Variants in ZNF804B observed in about 807,000 individuals in gnomAD.
The protein encoded by ZNF804B is zinc finger protein 804B.
Under a neutral mutation model 101.4 loss-of-function variants are expected in ZNF804B, and 80 were observed. The ratio of observed to expected loss-of-function variants is 0.79; its 90% confidence interval spans 0.66 to 0.95. The LOEUF is 0.95. Ranked by LOEUF, ZNF804B falls within the 40% of genes least tolerant of loss-of-function variation. The probability of loss-of-function intolerance (pLI) is 0.00; values close to 1 mark genes in which losing one functional copy is unlikely to be tolerated. For missense variants in ZNF804B, 1,673 were observed against 1,561.9 expected, an observed-to-expected ratio of 1.07 and a Z score of -1.20; for synonymous variants, 622 against 558.8, an observed-to-expected ratio of 1.11 and a Z score of -1.59.
intron 1 of ZNF804B, among the ~76,000 whole-genome samples, chr7:88,877,726 T>C (rs1791974262): frequency 6.6e-6 from 1 of 152,244 alleles, no homozygotes; most frequent in East Asian, 1.9e-4. Flanking sequence ...GAAAAATTCT[T>C]GGCATATGAA....
In ZNF804B at chr7:89,260,854, G is replaced by A. The variant is rs59083688; in HGVS notation, c.249+42559G>A. On this transcript the variant is annotated intron_variant, in intron 2 of 3. Transcript: ENST00000333190. ...AAGCAATTCAACTTTTTCTTGCAAT[G>A]TCATGAGTTTTCTCTGCTTCTTGGG... Among the ~76,000 whole-genome samples, 1,200 of 152,312 alleles carry A rather than the reference G, an allele frequency of 7.9e-3. 21 individuals are homozygous for A. Among genetic ancestry groups the A allele is most frequent in the African/African-American group, 0.027 (1,142 of 41,572 alleles).
intron 1 of ZNF804B, among the ~76,000 whole-genome samples, chr7:88,821,926 G>T (rs916462789): frequency 7.9e-5 from 12 of 152,118 alleles, no homozygotes; most frequent in African/African-American, 1.7e-4. Flanking sequence ...TATGAGGAAT[G>T]CTGGAGCACC....
chr7:88,820,196 A>G (rs1001641321), intron 1 of ZNF804B, among the ~76,000 whole-genome samples: 1 of 152,240 alleles, frequency 6.6e-6, no homozygotes, highest in Non-Finnish European at 1.5e-5. Context: ...CATCTTTTGT[A>G]GGATACAGCC....
chr7:89,168,682 C>CTTTT (rs372503661), intron 1 of ZNF804B, among the ~76,000 whole-genome samples: 29 of 115,780 alleles, frequency 2.5e-4, no homozygotes, highest in East Asian at 1.2e-3. Flanking sequence ...GAGCTGAATA[C>CTTTT]TTTTTTTTTT....
chr7:89,030,538 A>T (rs527301147), intron 1 of ZNF804B, among the ~76,000 whole-genome samples: 1 of 152,230 alleles, frequency 6.6e-6, no homozygotes, highest in Non-Finnish European at 1.5e-5. Flanking sequence ...TTCTGCTGTT[A>T]TGTGTTGCCT....
intron 1 of ZNF804B, among the ~76,000 whole-genome samples, chr7:89,187,748 T>G (rs1788395269): frequency 6.6e-6 from 1 of 152,190 alleles, no homozygotes; most frequent in Non-Finnish European, 1.5e-5. Flanking sequence ...GTCAAAAATA[T>G]TATATTAACT....
At chr7:89,085,866 A>G (rs910534393) in intron 1 of ZNF804B, among the ~76,000 whole-genome samples, 7 of 152,124 alleles carry the variant, frequency 4.6e-5, no homozygotes, top group South Asian at 4.1e-4. Flanking sequence ...TTAATGGGTT[A>G]TCTTCCAACT....
intron 1 of ZNF804B, among the ~76,000 whole-genome samples, chr7:88,853,570 A>G (rs1193353834): frequency 1.3e-5 from 2 of 152,132 alleles, no homozygotes; most frequent in African/African-American, 4.8e-5. Flanking sequence ...TGTGCTCAGT[A>G]GTCAATATCT....
chr7:88,862,881 C>T (rs1791670750), intron 1 of ZNF804B, among the ~76,000 whole-genome samples: 1 of 152,168 alleles, frequency 6.6e-6, no homozygotes, highest in Admixed American at 6.5e-5. Context: ...CTGTCTCACG[C>T]TGAGAAACCA....
At chr7:88,947,608 G>A (rs1023407077) in intron 1 of ZNF804B, among the ~76,000 whole-genome samples, 4 of 151,564 alleles carry the variant, frequency 2.6e-5, no homozygotes, top group Admixed American at 6.6e-5. Flanking sequence ...ACCATGGCAC[G>A]TGTATACCTA....
intron 1 of ZNF804B, among the ~76,000 whole-genome samples, chr7:89,091,739 C>A (rs1789891312): frequency 1.3e-5 from 2 of 152,132 alleles, no homozygotes; most frequent in Admixed American, 1.3e-4. Flanking sequence ...GGATTCAGTG[C>A]CTTTCTATGG....
At position 88,783,555 on chromosome 7, in the gene ZNF804B, C is replaced by T. The variant is rs188535633; in HGVS notation, c.108+23471C>T. 9.9e-5 allele frequency among the ~76,000 whole-genome samples: 15 copies of T among 152,190 alleles called. No homozygotes were observed. In the East Asian group the frequency reaches 2.7e-3, roughly 27 times the overall value. ...AAATAGTACATTTTGAAAAGAGATG[C>T]TGATCATTGTCGAAGGTGAGTGATG... On this transcript the variant is annotated intron_variant, in intron 1 of 3. Coordinates refer to ENST00000333190, the MANE Select transcript of ZNF804B (RefSeq NM_181646.5).
In ZNF804B at chr7:88,949,914, T is replaced by A. The variant is rs552064752; in HGVS notation, c.108+189830T>A. ...ATGTAAAGTATAGTAGGTTATATCA[T>A]CTAGATTTGTGTCAGTACACACTAT... On this transcript the variant is annotated intron_variant, in intron 1 of 3. Transcript: ENST00000333190. Among the ~76,000 whole-genome samples, 1,235 of 152,064 alleles carry A rather than the reference T, an allele frequency of 8.1e-3. 18 individuals are homozygous for A. Among genetic ancestry groups the A allele is most frequent in the African/African-American group, 0.028 (1,173 of 41,550 alleles).
chr7:88,765,394 T>G (rs1257788588), intron 1 of ZNF804B, among the ~76,000 whole-genome samples: 3 of 152,122 alleles, frequency 2.0e-5, no homozygotes, highest in African/African-American at 7.2e-5. Flanking sequence ...TAGTTGTAAC[T>G]GTGAAATTTT....
chr7:89,090,706 C>T (rs903507575), intron 1 of ZNF804B, among the ~76,000 whole-genome samples: 2 of 152,000 alleles, frequency 1.3e-5, no homozygotes, highest in African/African-American at 4.8e-5. Context: ...TACAAATACA[C>T]AGTTTTTCAA....
At chr7:89,025,360 T>G (rs926678706) in intron 1 of ZNF804B, among the ~76,000 whole-genome samples, 5 of 152,126 alleles carry the variant, frequency 3.3e-5, no homozygotes, top group African/African-American at 1.2e-4. Context: ...AGCTTATTAA[T>G]TTTTTATGAA....
At chr7:89,135,615 T>G (rs151103535) in intron 1 of ZNF804B, among the ~76,000 whole-genome samples, 1 of 118,196 alleles carries the variant, frequency 8.5e-6, no homozygotes, top group Non-Finnish European at 2.0e-5. Flanking sequence ...CTCTTACATC[T>G]TTCTTGTTCT....
chr7:89,335,872 A>G lies in ZNF804B; in HGVS notation c.2890A>G (p.Thr964Ala), dbSNP rs78267196. ...ELEAPSQVPC[T>A]IQLAPSGCNR... is the part of the protein sequence containing the mutation. ...AGAGGCTCCTTCGCAAGTCCCATGC[A>G]CAATTCAACTTGCACCATCAGGCTG... The change falls in exon 4 of 4, where the codon ACA becomes GCA. Residue 964 changes from threonine (T) to alanine (A), a missense_variant. Physicochemically the swap from Thr to Ala is moderately conservative, Grantham distance 58 (BLOSUM62 0). Transcript: ENST00000333190. 2,636 of 1,614,122 alleles carry G rather than the reference A, an allele frequency of 1.6e-3. 41 individuals carry two copies. The African/African-American group carries it at 0.031, about 19-fold the overall frequency.
chr7:88,970,321 A>G (rs948270201), intron 1 of ZNF804B, among the ~76,000 whole-genome samples: 8 of 148,626 alleles, frequency 5.4e-5, no homozygotes, highest in African/African-American at 2.0e-4. Flanking sequence ...AAAGCCCCAC[A>G]TGCATTAGCT....
Sources: gnomAD v4.1 joint callset for allele counts (sites outside exome capture counted in the v4.1 genomes callset) on GRCh38, gnomAD v4.1.1 for gene constraint, MANE v1.5 for transcripts, NCBI Gene and HGNC (gene_info 2026-07-23, HGNC 2026-07-21) for gene names.